The following ZNF618 variants were observed in gnomAD, a reference collection of about 807,000 sequenced individuals.
ZNF618 encodes zinc finger protein 618.
Under a neutral mutation model 103.0 loss-of-function variants are expected in ZNF618, and 34 were observed. The ratio of observed to expected loss-of-function variants is 0.33; its 90% confidence interval spans 0.25 to 0.44. The LOEUF (loss-of-function observed/expected upper bound fraction) is 0.44. Ranked by LOEUF, ZNF618 falls within the 20% of genes least tolerant of loss-of-function variation. The pLI is 1.00. For synonymous variants in ZNF618, 551 were observed against 542.2 expected (o/e 1.02, Z -0.23); for missense variants, 1,059 against 1,295.4 (o/e 0.82, Z 2.80).
rs73554406 is a variant in ZNF618 at position 113,931,291 on chromosome 9, C to T, written c.34-37826C>T. Among the ~76,000 whole-genome samples the T allele has an allele frequency of 5.5e-3, 832 of 152,244 alleles. 8 individuals are homozygous for T. The highest frequency in any genetic ancestry group is 0.019 in the African/African-American group (795 of 41,522). ...GTCCCTGCCCTGAGCACACTCGTGT[C>T]GGGGAGATGGCAGTTTAGGAGCGTG... is the stretch of plus-strand genomic sequence containing the variant. On this transcript the variant is annotated intron_variant, in intron 1 of 14. Coordinates refer to ENST00000374126, the MANE Select transcript of ZNF618 (RefSeq NM_001318042.2).
intron 1 of ZNF618, among the ~76,000 whole-genome samples, chr9:113,948,117 A>G (rs1835223831): frequency 6.6e-6 from 1 of 152,198 alleles, no homozygotes; most frequent in Non-Finnish European, 1.5e-5. Context: ...GATTTCAATG[A>G]GTCTTTCTGC....
rs113819665 is a variant in ZNF618, at chr9:114,050,442, GCACACACA to G, written c.*301_*308del. 0.021 allele frequency: 4,423 copies of G among 210,394 alleles called. 190 individuals are homozygous for G. The highest frequency in any genetic ancestry group is 0.098 in the African/African-American group (3,992 of 40,874). The allele number at this position is 210,394 out of a possible 1,614,324, so 13.0% of individuals were successfully genotyped here. ...ATGGCCAGAGAAACTTTGCACACAC[GCACACACA>G]CACACACACACACACACACACACAC... On this transcript the variant is annotated 3_prime_UTR_variant, in exon 15 of 15. Transcript: ENST00000374126.
chr9:114,024,643 G>C (rs80032614), intron 10 of ZNF618, among the ~76,000 whole-genome samples: 13,357 of 152,248 alleles, frequency 0.088, 681 homozygotes, highest in African/African-American at 0.13. Context: ...GAAGTATTGA[G>C]CAAGGTCTCG....
intron 1 of ZNF618, among the ~76,000 whole-genome samples, chr9:113,941,246 C>G (rs1249036740): frequency 1.3e-5 from 2 of 152,118 alleles, no homozygotes; most frequent in Admixed American, 6.6e-5. Context: ...TTACATTTTC[C>G]TCATTCTCCT....
chr9:114,008,104 G>T (rs530965546), intron 7 of ZNF618, among the ~76,000 whole-genome samples: 12 of 152,324 alleles, frequency 7.9e-5, no homozygotes, highest in Admixed American at 7.8e-4. Flanking sequence ...CCATGGATGG[G>T]TGCCCATCCT....
chr9:113,975,187 C>T (rs752568213), intron 2 of ZNF618, among the ~76,000 whole-genome samples: 1 of 152,070 alleles, frequency 6.6e-6, no homozygotes, highest in Non-Finnish European at 1.5e-5. Flanking sequence ...GAAGGCCTAC[C>T]ATGATCCAAA....
At position 114,036,476 on chromosome 9, in the gene ZNF618, C is replaced by G. The variant is rs1379595162; in HGVS notation, c.1246+99C>G. On this transcript the variant is annotated intron_variant, in intron 13 of 14. Transcript: ENST00000374126. ...CCTGAGGCCCCTGGAGAAGGCCGCT[C>G]TTTCCTGGAAAATGGTCACAGGACA... The G allele has an allele frequency of 4.7e-6, 6 of 1,273,060 alleles. No homozygotes were observed. In the East Asian group the frequency reaches 1.3e-4, roughly 27 times the overall value. The allele number at this position is 1,273,060 out of a possible 1,614,324, so 78.9% of individuals were successfully genotyped here. A position where few individuals can be genotyped will look rare whatever the true frequency, so the allele number is the denominator to read the frequency against.
At position 113,941,060 on chromosome 9, in the gene ZNF618, C is replaced by T. The variant is rs959752830; in HGVS notation, c.34-28057C>T. ...TCTTTATCTTCTTTTTCTTCCTCTC[C>T]TTTCTGCTTGTCCCTTCCCCAATTC... is the stretch of plus-strand genomic sequence containing the variant. On this transcript the variant is annotated intron_variant, in intron 1 of 14. Transcript: ENST00000374126. Among the ~76,000 whole-genome samples, 3 of 151,814 alleles carry T rather than the reference C, an allele frequency of 2.0e-5. No homozygotes were observed. In the East Asian group the frequency reaches 5.8e-4, roughly 29 times the overall value.
chr9:114,025,959 C>T (rs566557216), intron 10 of ZNF618, among the ~76,000 whole-genome samples: 1 of 152,178 alleles, frequency 6.6e-6, no homozygotes, highest in Non-Finnish European at 1.5e-5. Flanking sequence ...AGTTCCTGCT[C>T]TCTTGGAGCA....
rs776163011 is a variant in ZNF618 at position 113,933,443 on chromosome 9, G to T, written c.34-35674G>T. ...AAGTACAATTCCACTGGGGCAGCAC[G>T]CAGGAAGAGTGACTTTAGAGTGCAT... On this transcript the variant is annotated intron_variant, in intron 1 of 14. Transcript: ENST00000374126. Among the ~76,000 whole-genome samples, 96 of 152,342 alleles carry T rather than the reference G, an allele frequency of 6.3e-4. 1 individual carries two copies. Among genetic ancestry groups the T allele is most frequent in the Middle Eastern group, 3.4e-3 (1 of 294 alleles).
intron 1 of ZNF618, among the ~76,000 whole-genome samples, chr9:113,913,850 CCTTA>C (rs1250572348): frequency 1.3e-5 from 2 of 152,186 alleles, no homozygotes; most frequent in East Asian, 1.9e-4. Flanking sequence ...GGCTTGTTGC[CCTTA>C]CTTCTGAAAT....
At chr9:113,922,076 A>G (rs1832702492) in intron 1 of ZNF618, among the ~76,000 whole-genome samples, 1 of 152,230 alleles carries the variant, frequency 6.6e-6, no homozygotes, top group Non-Finnish European at 1.5e-5. Context: ...CTGAAAACAC[A>G]TATGACATGT....
chr9:114,004,541 C>G (rs748440160), intron 6 of ZNF618, among the ~76,000 whole-genome samples: 1 of 152,232 alleles, frequency 6.6e-6, no homozygotes, highest in Non-Finnish European at 1.5e-5. Flanking sequence ...CCGTTGTCCG[C>G]GGGCTTGCTG....
chr9:114,002,751 G>A, intron 6 of ZNF618, 89 bp downstream of exon 6: 1 of 1,453,522 alleles, frequency 6.9e-7, no homozygotes, highest in Non-Finnish European at 9.4e-7. Flanking sequence ...CCCCAGAACT[G>A]CTCCAGGTGG....
chr9:113,901,379 C>T (rs1432616552), intron 1 of ZNF618, among the ~76,000 whole-genome samples: 1 of 152,244 alleles, frequency 6.6e-6, no homozygotes, highest in African/African-American at 2.4e-5. Flanking sequence ...GCGGACTTGG[C>T]CAGCCCGGTG....
In ZNF618 at chr9:114,050,700, C is replaced by T. The variant is rs1338021003; in HGVS notation, c.*533C>T. On this transcript the variant is annotated 3_prime_UTR_variant, in exon 15 of 15. Coordinates refer to ENST00000374126, the MANE Select transcript of ZNF618 (RefSeq NM_001318042.2). Reference sequence around the variant, plus strand: ...GTGACTTGACGCTCTCTGTCCTTCACCCCGGTCCTCCTTTTCCCTCTTTGA... The same window carrying T: ...GTGACTTGACGCTCTCTGTCCTTCATCCCGGTCCTCCTTTTCCCTCTTTGA... 1 of 152,830 alleles carries T rather than the reference C, an allele frequency of 6.5e-6. No homozygotes were observed. Among genetic ancestry groups the T allele is most frequent in the Non-Finnish European group, 1.5e-5 (1 of 68,574 alleles). The allele number at this position is 152,830 out of a possible 1,614,324, so 9.5% of individuals were successfully genotyped here.
At chr9:113,895,210 T>G (rs1159252918) in intron 1 of ZNF618, among the ~76,000 whole-genome samples, 1 of 152,114 alleles carries the variant, frequency 6.6e-6, no homozygotes, top group Non-Finnish European at 1.5e-5. Context: ...GAATTTTTCT[T>G]TTGCAATGGA....
At chr9:113,969,185 C>T in intron 2 of ZNF618, 25 bp downstream of exon 2, 1 of 1,613,942 alleles carries the variant, frequency 6.2e-7, no homozygotes. Context: ...CCGCCCCCAG[C>T]TTGTCCACCC....
chr9:114,009,326 C>G (rs1033874409), intron 9 of ZNF618, among the ~76,000 whole-genome samples: 1 of 152,168 alleles, frequency 6.6e-6, no homozygotes, highest in African/African-American at 2.4e-5. Context: ...CTGGAGAGCC[C>G]TGCTGGTCCC....
Sources: gnomAD v4.1 joint callset for allele counts (sites outside exome capture counted in the v4.1 genomes callset) on GRCh38, gnomAD v4.1.1 for gene constraint, MANE v1.5 for transcripts, NCBI Gene and HGNC (gene_info 2026-07-23, HGNC 2026-07-21) for gene names.